Variants in LIMA1 observed in about 807,000 individuals in gnomAD.
The protein encoded by LIMA1 is LIM domain and actin binding 1, also known as LIM domain and actin-binding protein 1.
Under a neutral mutation model 62.6 loss-of-function variants are expected in LIMA1, and 52 were observed. The observed-to-expected ratio is 0.83, with a 90% confidence interval of 0.67 to 1.05. LIMA1 has a LOEUF of 1.05. Ranked by LOEUF, LIMA1 falls within the 50% of genes least tolerant of loss-of-function variation. LIMA1 has a pLI of 0.00. For synonymous variants in LIMA1, 302 were observed against 317.8 expected (o/e 0.95, Z 0.53); for missense variants, 780 against 902.2 (o/e 0.86, Z 1.74).
intron 9 of LIMA1, among the ~76,000 whole-genome samples, chr12:50,191,754 G>A (rs933572897): frequency 1.3e-5 from 2 of 152,072 alleles, no homozygotes; most frequent in African/African-American, 4.8e-5. Context: ...CCCGGGAGGC[G>A]GAGCTTGCAG....
chr12:50,178,709 C>A (rs1475528932), intron 10 of LIMA1, among the ~76,000 whole-genome samples: 1 of 151,900 alleles, frequency 6.6e-6, no homozygotes, highest in Non-Finnish European at 1.5e-5. Context: ...AGATCACTAT[C>A]CCTTCTTTGC....
intron 10 of LIMA1, among the ~76,000 whole-genome samples, chr12:50,178,962 A>T (rs1233989175): frequency 3.0e-4 from 29 of 95,518 alleles, no homozygotes; most frequent in South Asian, 1.7e-3. Context: ...ATATATATAT[A>T]TATATTTTTT....
chr12:50,238,841 C>T (rs769901448), intron 2 of LIMA1, among the ~76,000 whole-genome samples: 4 of 150,060 alleles, frequency 2.7e-5, no homozygotes, highest in Non-Finnish European at 5.9e-5. Context: ...CAGAGCGAGG[C>T]TCTGTCTCAC....
At position 50,247,933 on chromosome 12, in the gene LIMA1, G is replaced by A. The variant is rs17124566; in HGVS notation, c.119+700C>T. Reference sequence around the variant, plus strand: ...CATGAGCCACCGCGCCTGACCGGATGTGTTCTAATGAAGTTTTATTTACTA... The same window carrying A: ...CATGAGCCACCGCGCCTGACCGGATATGTTCTAATGAAGTTTTATTTACTA... On this transcript the variant is annotated intron_variant, in intron 2 of 10. Coordinates refer to ENST00000341247, the MANE Select transcript of LIMA1 (RefSeq NM_016357.5). Among the ~76,000 whole-genome samples, 1,145 of 152,156 alleles carry A rather than the reference G, an allele frequency of 7.5e-3. 11 individuals are homozygous for A. The highest frequency in any genetic ancestry group is 0.026 in the African/African-American group (1,095 of 41,524).
chr12:50,248,447 G>A (rs1941881483), intron 2 of LIMA1, among the ~76,000 whole-genome samples, 186 bp downstream of exon 2: 1 of 152,112 alleles, frequency 6.6e-6, no homozygotes, highest in African/African-American at 2.4e-5. Context: ...AAAATTCAAA[G>A]AATAGAATGT....
chr12:50,187,403 T>C (rs1276858716), intron 9 of LIMA1: 1 of 152,206 alleles, frequency 6.6e-6, no homozygotes, highest in East Asian at 1.9e-4. Context: ...GTGTAAAATA[T>C]CTAGGTAATG....
chr12:50,245,748 C>T (rs1056734129), intron 2 of LIMA1, among the ~76,000 whole-genome samples: 40 of 152,026 alleles, frequency 2.6e-4, no homozygotes, highest in African/African-American at 8.0e-4. Context: ...AAGCCAGCGT[C>T]CCCTGGAGGC....
chr12:50,213,689 T>C (rs891696509), intron 4 of LIMA1, among the ~76,000 whole-genome samples: 2 of 152,248 alleles, frequency 1.3e-5, no homozygotes, highest in Non-Finnish European at 2.9e-5. Flanking sequence ...TACACACCTG[T>C]GTTGTCTAAT....
intron 2 of LIMA1, among the ~76,000 whole-genome samples, chr12:50,245,401 T>A: frequency 7.0e-6 from 1 of 142,656 alleles, no homozygotes; most frequent in African/African-American, 2.7e-5. Context: ...CGACAGAGTA[T>A]GACCCTGTCT....
chr12:50,277,204 C>A (rs569313986), intron 1 of LIMA1, among the ~76,000 whole-genome samples: 44 of 152,192 alleles, frequency 2.9e-4, no homozygotes, highest in African/African-American at 1.0e-3. Flanking sequence ...AAATACCAAT[C>A]TTTTTGACTT....
rs34256869 is a variant in LIMA1 at position 50,260,930 on chromosome 12, CAAAAA to C, written c.-23-12161_-23-12157del. On this transcript the variant is annotated intron_variant, in intron 1 of 10. Coordinates refer to ENST00000341247, the MANE Select transcript of LIMA1 (RefSeq NM_016357.5). The stretch of plus-strand genomic sequence containing the variant: ...CTTGGGCAAGTTTAATAACTTGCCC[CAAAAA>C]AAAAAAAAAAAAAGGAAGTCATTTA... 5.5e-4 allele frequency among the ~76,000 whole-genome samples: 42 copies of C among 76,218 alleles called. 1 individual carries two copies. Among genetic ancestry groups the C allele is most frequent in the Admixed American group, 1.9e-3 (10 of 5,244 alleles). The allele number at this position is 76,218 out of a possible 152,430, so 50.0% of individuals were successfully genotyped here.
intron 3 of LIMA1, among the ~76,000 whole-genome samples, chr12:50,223,978 C>T (rs1394148506): frequency 6.6e-6 from 1 of 151,844 alleles, no homozygotes; most frequent in Non-Finnish European, 1.5e-5. Context: ...GCGGAGGTTG[C>T]AGTGAGCCCA....
At chr12:50,250,857 C>T (rs1592555417) in intron 1 of LIMA1, among the ~76,000 whole-genome samples, 1 of 152,130 alleles carries the variant, frequency 6.6e-6, no homozygotes, top group South Asian at 2.1e-4. Flanking sequence ...ATAATAATAG[C>T]ATTTACTTCA....
chr12:50,190,950 C>T (rs186193490), intron 9 of LIMA1, among the ~76,000 whole-genome samples: 348 of 150,856 alleles, frequency 2.3e-3, no homozygotes, highest in Admixed American at 6.1e-3. Flanking sequence ...AGACCCCATC[C>T]CTATAAAAAT....
chr12:50,193,674 T>TA lies in LIMA1; in HGVS notation c.1031-1114_1031-1113insT, dbSNP rs1565833587. 4.0e-3 allele frequency among the ~76,000 whole-genome samples: 513 copies of TA among 129,204 alleles called. 16 individuals carry two copies. Among genetic ancestry groups the TA allele is most frequent in the African/African-American group, 0.015 (487 of 33,126 alleles). 84.8% of individuals were successfully genotyped at this position (129,204 alleles called of 152,430 possible). On this transcript the variant is annotated intron_variant, in intron 8 of 10. Coordinates refer to ENST00000341247, the MANE Select transcript of LIMA1 (RefSeq NM_016357.5). The stretch of plus-strand genomic sequence containing the variant: ...TGTATATATATATATATATTTTTTT[T>TA]TTTTTTTTTTTTCAGAGTCTCACTC...
chr12:50,272,592 CAAA>C (rs1004308971), intron 1 of LIMA1, among the ~76,000 whole-genome samples: 1 of 95,392 alleles, frequency 1.0e-5, no homozygotes. Flanking sequence ...AACTCCGTCT[CAAA>C]AAAAAAAAAA....
chr12:50,234,452 G>A (rs1385843005), intron 2 of LIMA1, among the ~76,000 whole-genome samples: 2 of 151,810 alleles, frequency 1.3e-5, no homozygotes, highest in Admixed American at 6.6e-5. Context: ...CAAGAGATAC[G>A]CCTGCTTTGG....
At chr12:50,239,811 C>T (rs1214965394) in intron 2 of LIMA1, among the ~76,000 whole-genome samples, 1 of 151,820 alleles carries the variant, frequency 6.6e-6, no homozygotes. Context: ...GCCTAGGCAA[C>T]ATGGCGAGAC....
intron 1 of LIMA1, chr12:50,256,408 A>AAAAAG (rs1941998223): frequency 6.6e-6 from 1 of 152,190 alleles, no homozygotes; most frequent in South Asian, 2.1e-4. Flanking sequence ...GAGTTCCCAT[A>AAAAAG]TACATTTCAC....
Sources: allele counts gnomAD v4.1 joint callset (sites outside exome capture counted in the v4.1 genomes callset), GRCh38; gene constraint gnomAD v4.1.1; transcripts MANE v1.5; gene names NCBI Gene and HGNC (gene_info 2026-07-23, HGNC 2026-07-21).